Variants in TTN observed in about 807,000 individuals in gnomAD.
TTN encodes the protein titin.
In TTN, 1,525 loss-of-function variants were observed where a neutral mutation model predicts 3,223.0. The ratio of observed to expected loss-of-function variants is 0.47; its 90% confidence interval spans 0.45 to 0.49. The LOEUF (loss-of-function observed/expected upper bound fraction) is 0.49. TTN is among the 20% of genes least tolerant of loss of function. The pLI is 0.00. For missense variants in TTN, 40,786 were observed against 43,424.0 expected (o/e 0.94, Z 5.40); for synonymous variants, 14,094 against 15,161.0 (o/e 0.93, Z 5.17).
In TTN at chr2:178,709,932, A is replaced by C. The variant is rs985097205; in HGVS notation, c.28463-76T>G. 185 of 1,439,606 alleles carry C rather than the reference A, an allele frequency of 1.3e-4. 1 individual carries two copies. Among genetic ancestry groups the C allele is most frequent in the African/African-American group, 2.9e-4 (20 of 70,156 alleles). The allele number at this position is 1,439,606 out of a possible 1,614,324, so 89.2% of individuals were successfully genotyped here. A position where few individuals can be genotyped will look rare whatever the true frequency, so the allele number is the denominator to read the frequency against. On this transcript the variant is annotated intron_variant, in intron 98 of 362. Coordinates refer to ENST00000589042, the MANE Select transcript of TTN (RefSeq NM_001267550.2). ...AATATGAAGCTTTTCAAGAAAAAAA[A>C]CCCTCATATTTTTAGTTAAAAATCA...
At chr2:178,625,200 A>G in intron 241 of TTN, 73 bp downstream of exon 241, 1 of 1,519,520 alleles carries the variant, frequency 6.6e-7, no homozygotes, top group Admixed American at 2.1e-5. Context: ...TCATCATATA[A>G]AGATAATTGA....
In TTN at chr2:178,663,632, A is replaced by G; in HGVS notation, c.36527T>C (p.Val12176Ala). 1 of 1,613,654 alleles carries G rather than the reference A, an allele frequency of 6.2e-7. No homozygotes were observed. The highest frequency in any genetic ancestry group is 8.5e-7 in the Non-Finnish European group (1 of 1,179,714). The change falls in exon 171 of 363, where the codon GTT (valine) becomes GCT (alanine). Residue 12176 changes from valine to alanine, a missense_variant. Transcript: ENST00000589042. The part of the protein sequence containing the change: ...APPKEPEVPP[V>A]KVPEAPKEVV... ...CTAAAATCAGTGACAAATACCTTTA[A>G]CAGGTGGGACTTCAGGCTCTTTAGG...
In TTN at chr2:178,634,183, C is replaced by T. The variant is rs2154226466; in HGVS notation, c.42416-100G>A. 1.3e-6 allele frequency: 2 copies of T among 1,516,760 alleles called. No homozygotes were observed. Among genetic ancestry groups the T allele is most frequent in the Non-Finnish European group, 1.8e-6 (2 of 1,135,520 alleles). 94.0% of individuals were successfully genotyped at this position (1,516,760 alleles called of 1,614,324 possible). ...TAAAAGGGACCCATTTCACATGGCA[C>T]TTATTTATTCATCTTTCCAAATAGA... On this transcript the variant is annotated intron_variant, in intron 230 of 362. Transcript: ENST00000589042. The surrounding 1 kb of genome is among the most constrained non-coding windows in gnomAD (Gnocchi z 4.6).
Position 178,664,825 on chromosome 2 carries a change from T to G in TTN, c.36118+27A>C, listed in dbSNP as rs150489005. On this transcript the variant is annotated intron_variant, in intron 166 of 362. Transcript: ENST00000589042. ...TCTCAAAACTACAAGAGCTAGTTCT[T>G]GACCCTGAGAGCATGGTGACTTGTA... 2.2e-4 allele frequency: 349 copies of G among 1,611,050 alleles called. No individual in the cohort carries two copies. In the African/African-American group the frequency reaches 4.3e-3, roughly 20 times the overall value.
intron 40 of TTN, among the ~76,000 whole-genome samples, 161 bp downstream of exon 40, chr2:178,767,598 A>C (rs2090705409): frequency 6.6e-6 from 1 of 152,196 alleles, no homozygotes; most frequent in African/African-American, 2.4e-5. Flanking sequence ...ACTGTGACTA[A>C]ATTGAGGTCA....
intron 49 of TTN, 37 bp from the exon 50 acceptor site, chr2:178,736,111 C>T: frequency 1.3e-6 from 2 of 1,506,024 alleles, no homozygotes; most frequent in Non-Finnish European, 8.9e-7. Flanking sequence ...CATTTAGTCC[C>T]CACCAAAGCA....
chr2:178,701,943 A>G (rs1456261103), intron 109 of TTN, 97 bp downstream of exon 109: 27 of 1,199,202 alleles, frequency 2.3e-5, no homozygotes, highest in Non-Finnish European at 3.0e-5. Context: ...TACCCAAAAG[A>G]GAAAGATATC....
In TTN at chr2:178,802,130, C is replaced by A. The variant is rs372054167; in HGVS notation, c.295+8G>T. On this transcript the variant is annotated splice_region_variant and intron_variant, in intron 3 of 362. Coordinates refer to ENST00000589042, the MANE Select transcript of TTN (RefSeq NM_001267550.2). ...GAGCAGAGGATTGGCAGGTCCCCAG[C>A]AGCCTACCTTTCACGAGAAGCTCAG... 5 of 1,613,892 alleles carry A rather than the reference C, an allele frequency of 3.1e-6. No homozygotes were observed. In the African/African-American group the frequency reaches 5.3e-5, roughly 17 times the overall value.
chr2:178,547,909 G>A lies in TTN; in HGVS notation c.93717C>T (p.Ile31239=). 6.2e-7 allele frequency: 1 copy of A among 1,613,830 alleles called. No individual in the cohort carries two copies. Among genetic ancestry groups the A allele is most frequent in the African/African-American group, 1.3e-5 (1 of 75,030 alleles). ...AGSPFTIDVP[I]SGRPAPKVTW... is the part of the protein sequence containing the mutation. ...TTACTTTGGGGGCAGGACGACCACT[G>A]ATTGGTACGTCAATGGTAAATGGGC... The change falls in exon 339 of 363, where the codon ATC becomes ATT. Residue 31239 remains isoleucine, a synonymous_variant. Coordinates refer to ENST00000589042, the MANE Select transcript of TTN (RefSeq NM_001267550.2).
In TTN at chr2:178,670,289, TC is replaced by T; in HGVS notation, c.35314del (p.Glu11772ArgfsTer8). ...TTCTACCACAATTTTCTTAGGCACC[TC>T]CGGTACTTTAAAGATAATAGTAATA... Reference protein sequence around the residue: ...PRKEPPAKVPEVPKKIVVEEK... With the variant: ...PRKEPPAKVPXVPKKIVVEEK... On this transcript the variant is annotated frameshift_variant, in exon 157 of 363. Transcript: ENST00000589042. LOFTEE classifies it high-confidence loss of function. The T allele has an allele frequency of 6.8e-7, 1 of 1,476,546 alleles. No homozygotes were observed. Among genetic ancestry groups the T allele is most frequent in the Non-Finnish European group, 8.9e-7 (1 of 1,117,940 alleles). 91.5% of individuals were successfully genotyped at this position (1,476,546 alleles called of 1,614,324 possible).
At position 178,537,933 on chromosome 2, in the gene TTN, G is replaced by T; in HGVS notation, c.99290-16C>A. The T allele has an allele frequency of 6.3e-7, 1 of 1,575,422 alleles. No homozygotes were observed. Among genetic ancestry groups the T allele is most frequent in the Non-Finnish European group, 8.6e-7 (1 of 1,158,428 alleles). On this transcript the variant is annotated splice_polypyrimidine_tract_variant and intron_variant, in intron 354 of 362. Transcript: ENST00000589042. The stretch of plus-strand genomic sequence containing the variant: ...GCCTCTCCAGCTGAACAATATGAAA[G>T]ATAATATTAAGTGACTGTTAATACT...
chr2:178,734,246 GAAAGT>G, intron 52 of TTN, 77 bp downstream of exon 52: 1 of 1,453,320 alleles, frequency 6.9e-7, no homozygotes. Flanking sequence ...GACAAGAGAA[GAAAGT>G]ACCAGTTTTT....
Position 178,566,531 on chromosome 2 carries a change from C to T in TTN, c.79601G>A (p.Trp26534Ter). ...VEICKADEEE[W>*]QIVTPQTGLR... ...GCCAGTCTGTGGAGTAACTATTTGC[C>T]ATTCTTCTTCATCTGCTTTACAGAT... is the stretch of plus-strand genomic sequence containing the variant. Residue 26534 changes from tryptophan (W) to a stop codon, truncating the protein, a stop_gained, in exon 326 of 363, where the codon TGG becomes TAG. Coordinates refer to ENST00000589042, the MANE Select transcript of TTN (RefSeq NM_001267550.2). LOFTEE classifies it high-confidence loss of function. The T allele has an allele frequency of 6.2e-7, 1 of 1,613,360 alleles. No individual in the cohort carries two copies. The highest frequency in any genetic ancestry group is 1.1e-5 in the South Asian group (1 of 91,074).
Position 178,663,620 on chromosome 2 carries a change from C to T in TTN, c.36532+7G>A. The T allele has an allele frequency of 6.2e-7, 1 of 1,613,590 alleles. No individual in the cohort carries two copies. The highest frequency in any genetic ancestry group is 8.5e-7 in the Non-Finnish European group (1 of 1,179,712). On this transcript the variant is annotated splice_region_variant and intron_variant, in intron 171 of 362. Transcript: ENST00000589042. ...ATCATCTGAAGCCTAAAATCAGTGACAAATACCTTTAACAGGTGGGACTTC... is the reference window on the plus strand; with the variant it reads ...ATCATCTGAAGCCTAAAATCAGTGATAAATACCTTTAACAGGTGGGACTTC...
rs182971058 is a variant in TTN at position 178,560,786 on chromosome 2, T to C, written c.85346A>G (p.Asp28449Gly). Residue 28449 changes from aspartate (D) to glycine (G), a missense_variant, in exon 326 of 363, where the codon GAT becomes GGT. Transcript: ENST00000589042. ...RSVAVNCKVLDKPGPPAGPLE... is the reference protein window; with the variant it reads ...RSVAVNCKVLGKPGPPAGPLE... ...TGGTCCTGCTGGTGGACCAGGCTTA[T>C]CAAGTACTTTGCAATTAACGGCCAC... 1 of 1,613,766 alleles carries C rather than the reference T, an allele frequency of 6.2e-7. No homozygotes were observed. The highest frequency in any genetic ancestry group is 2.2e-5 in the East Asian group (1 of 44,790).
intron 1 of TTN, among the ~76,000 whole-genome samples, chr2:178,806,042 C>A (rs1190204468): frequency 3.3e-5 from 5 of 152,104 alleles, no homozygotes; most frequent in African/African-American, 1.2e-4. Flanking sequence ...TCATTAAATT[C>A]TTTGTTTACT....
rs72647894 is a variant in TTN, at chr2:178,767,871, C to T, written c.9359G>A (p.Arg3120Gln). 6,066 of 1,614,072 alleles carry T rather than the reference C, an allele frequency of 3.8e-3. 21 individuals are homozygous for T. The highest frequency in any genetic ancestry group is 4.1e-3 in the South Asian group (373 of 91,084). The change falls in exon 40 of 363, where the codon CGG (arginine) becomes CAG (glutamine). Residue 3120 changes from arginine (R) to glutamine (Q), a missense_variant. Physicochemically the swap from Arg to Gln is conservative, Grantham distance 43 (BLOSUM62 1). Coordinates refer to ENST00000589042, the MANE Select transcript of TTN (RefSeq NM_001267550.2). Reference sequence around the variant, plus strand: ...TGTGTACTTCCCAGCATCAGACATCCGGGTGGATGGGATCAGAAGGCGGTG... The same window carrying T: ...TGTGTACTTCCCAGCATCAGACATCTGGGTGGATGGGATCAGAAGGCGGTG... ...YVHRLLIPST[R>Q]MSDAGKYTVV... is the part of the protein sequence containing the mutation.
rs1559264784 is a variant in TTN, at chr2:178,558,216, C to G, written c.87138G>C (p.Met29046Ile). 6.2e-7 allele frequency: 1 copy of G among 1,606,986 alleles called. No individual in the cohort carries two copies. ...KEQLEPPEID[M>I]KNFPSHTVYV... ...ATACAGTGTGACTTGGGAAATTCTT[C>G]ATATCAATTTCAGGTGGTTCTGAAA... The change falls in exon 328 of 363, where the codon ATG becomes ATC. Residue 29046 changes from methionine (M) to isoleucine (I), a missense_variant. Coordinates refer to ENST00000589042, the MANE Select transcript of TTN (RefSeq NM_001267550.2).
chr2:178,689,747 T>A, intron 122 of TTN, 66 bp downstream of exon 122: 1 of 1,509,748 alleles, frequency 6.6e-7, no homozygotes, highest in South Asian at 1.2e-5. Flanking sequence ...AATGAACAGA[T>A]AATTAAACAC....
Sources: allele counts gnomAD v4.1 joint callset (sites outside exome capture counted in the v4.1 genomes callset), GRCh38; gene constraint gnomAD v4.1.1; non-coding constraint Gnocchi (gnomAD v3.1); transcripts MANE v1.5; gene names NCBI Gene and HGNC (gene_info 2026-07-23, HGNC 2026-07-21).